TTC7A: variants seen among roughly 807,000 people sequenced by gnomAD.
TTC7A encodes the protein tetratricopeptide repeat protein 7A.
In TTC7A, 110 loss-of-function variants were observed where a neutral mutation model predicts 103.7. The ratio of observed to expected loss-of-function variants is 1.06; its 90% confidence interval spans 0.91 to 1.24. The LOEUF (loss-of-function observed/expected upper bound fraction) is 1.24, where lower values mean the gene tolerates loss of function less well. TTC7A is among the 50% of genes most tolerant of loss of function. The pLI is 0.00. For synonymous variants in TTC7A, 521 were observed against 467.9 expected (o/e 1.11, Z -1.47); for missense variants, 1,340 against 1,116.3 (o/e 1.20, Z -2.86).
chr2:46,981,508 TGAG>T (rs1442016547), intron 5 of TTC7A, among the ~76,000 whole-genome samples: 1 of 152,108 alleles, frequency 6.6e-6, no homozygotes, highest in African/African-American at 2.4e-5. Context: ...GGGATGAGGC[TGAG>T]GATTGTAGGA....
At chr2:47,032,911 G>A (rs1185416876) in intron 15 of TTC7A, among the ~76,000 whole-genome samples, 2 of 142,288 alleles carry the variant, frequency 1.4e-5, no homozygotes, top group Admixed American at 7.1e-5. Context: ...CATTTATAGA[G>A]ATATAATACT....
At chr2:46,920,665 A>G (rs1408305362) in intron 2 of TTC7A, among the ~76,000 whole-genome samples, 1 of 150,982 alleles carries the variant, frequency 6.6e-6, no homozygotes, top group Non-Finnish European at 1.5e-5. Context: ...AAAAAAAAAT[A>G]GATAAATTTA....
At chr2:47,004,618 A>G (rs537011845) in intron 8 of TTC7A, among the ~76,000 whole-genome samples, 25 of 152,248 alleles carry the variant, frequency 1.6e-4, no homozygotes, top group African/African-American at 6.0e-4. Context: ...AAGGAGGCTC[A>G]GACAGAGGGA....
intron 2 of TTC7A, among the ~76,000 whole-genome samples, chr2:46,928,262 C>T (rs1479422022): frequency 6.6e-6 from 1 of 151,736 alleles, no homozygotes; most frequent in Admixed American, 6.6e-5. Context: ...ACCCATTTAT[C>T]ATCTCACAGT....
At chr2:47,070,791 A>T (rs1234389640) in intron 19 of TTC7A, among the ~76,000 whole-genome samples, 1 of 152,162 alleles carries the variant, frequency 6.6e-6, no homozygotes, top group Non-Finnish European at 1.5e-5. Context: ...GTCTGTGGCT[A>T]TAACCAGCCC....
At chr2:46,932,419 G>C (rs539154022) in intron 2 of TTC7A, among the ~76,000 whole-genome samples, 36 of 152,230 alleles carry the variant, frequency 2.4e-4, no homozygotes, top group Non-Finnish European at 5.3e-4. Flanking sequence ...AAAGTGCTGG[G>C]ATTACAGGCG....
intron 5 of TTC7A, among the ~76,000 whole-genome samples, chr2:46,991,062 G>A (rs1429224633): frequency 6.6e-6 from 1 of 152,136 alleles, no homozygotes; most frequent in Non-Finnish European, 1.5e-5. Context: ...ACAGGCACGG[G>A]CGCCACCACA....
rs1428271961 is a variant in TTC7A, at chr2:47,075,348, A to C, written c.*1425A>C. On this transcript the variant is annotated 3_prime_UTR_variant, in exon 20 of 20. Transcript: ENST00000319190. ...AATAGAGATCTATTTTTTTTCTGGAATTCTGTTAGAAAAGTAAAGAAAAAG... is the reference window on the plus strand; with the variant it reads ...AATAGAGATCTATTTTTTTTCTGGACTTCTGTTAGAAAAGTAAAGAAAAAG... The C allele has an allele frequency of 6.6e-6, 1 of 152,118 alleles. No homozygotes were observed. Among genetic ancestry groups the C allele is most frequent in the Non-Finnish European group, 1.5e-5 (1 of 68,006 alleles). 9.4% of individuals were successfully genotyped at this position (152,118 alleles called of 1,614,324 possible).
intron 4 of TTC7A, chr2:46,978,047 C>G (rs1674045870): frequency 6.6e-6 from 1 of 152,240 alleles, no homozygotes; most frequent in Non-Finnish European, 1.5e-5. Context: ...GGGGCATGGA[C>G]AGTAGTGAGA....
intron 18 of TTC7A, among the ~76,000 whole-genome samples, chr2:47,057,568 C>T (rs1346323207): frequency 3.3e-5 from 5 of 152,228 alleles, no homozygotes; most frequent in Admixed American, 1.3e-4. Context: ...GCTTAATCAG[C>T]TGTGCCAGGG....
At chr2:47,024,398 G>T in intron 14 of TTC7A, 39 bp downstream of exon 14, 1 of 1,560,508 alleles carries the variant, frequency 6.4e-7, no homozygotes, top group Non-Finnish European at 8.7e-7. Context: ...GTCCTCGGGG[G>T]CTGCTGATCT....
chr2:46,978,645 C>G, intron 4 of TTC7A, 147 bp from the exon 5 acceptor site: 1 of 555,882 alleles, frequency 1.8e-6, no homozygotes, highest in Non-Finnish European at 3.3e-6. Flanking sequence ...TGAGTTAAAG[C>G]GAGTTAGATC....
At chr2:46,940,624 A>G (rs1670247594), upstream of TTC7A, among the ~76,000 whole-genome samples, 1 of 152,276 alleles carries the variant, frequency 6.6e-6, no homozygotes, top group African/African-American at 2.4e-5. The surrounding 1 kb of genome is among the most constrained non-coding windows in gnomAD (Gnocchi z 4.7). Flanking sequence ...AGGGCAACAG[A>G]GATTCCACAG....
chr2:47,047,333 G>A, intron 16 of TTC7A: 1 of 1,545,210 alleles, frequency 6.5e-7, no homozygotes, highest in Non-Finnish European at 8.8e-7. Flanking sequence ...AATTTACAGA[G>A]GAGGGTAATC....
At chr2:47,012,164 A>G (rs542768365) in intron 11 of TTC7A, among the ~76,000 whole-genome samples, 3 of 152,300 alleles carry the variant, frequency 2.0e-5, no homozygotes, top group East Asian at 3.9e-4. Flanking sequence ...CTCCAGGCCT[A>G]TGGGGGCTCT....
intron 15 of TTC7A, chr2:47,040,276 G>C (rs904308583): frequency 1.3e-5 from 2 of 152,344 alleles, no homozygotes; most frequent in African/African-American, 4.8e-5. Context: ...TCAGGACCCG[G>C]CCGTCCTTCC....
chr2:47,024,429 C>A, intron 14 of TTC7A, 70 bp downstream of exon 14: 1 of 1,404,210 alleles, frequency 7.1e-7, no homozygotes, highest in Non-Finnish European at 9.7e-7. Context: ...ACCCAGCTTA[C>A]CAGCTGTGTG....
At chr2:46,990,664 A>G (rs1169781628) in intron 5 of TTC7A, among the ~76,000 whole-genome samples, 2 of 152,220 alleles carry the variant, frequency 1.3e-5, no homozygotes, top group African/African-American at 2.4e-5. Context: ...TAACAGGACT[A>G]TGAGGAAATG....
intron 2 of TTC7A, among the ~76,000 whole-genome samples, chr2:46,920,991 T>C (rs1669075226): frequency 6.6e-6 from 1 of 152,048 alleles, no homozygotes; most frequent in Admixed American, 6.5e-5. Flanking sequence ...AAAAAAACTT[T>C]CAGCAAACTG....
Sources: gnomAD v4.1 joint callset for allele counts (sites outside exome capture counted in the v4.1 genomes callset) on GRCh38, gnomAD v4.1.1 for gene constraint, Gnocchi (gnomAD v3.1) non-coding constraint, MANE v1.5 for transcripts, NCBI Gene and HGNC (gene_info 2026-07-23, HGNC 2026-07-21) for gene names.